MICU1: variants seen among roughly 807,000 people sequenced by gnomAD.
MICU1 encodes the protein calcium uptake protein 1, mitochondrial.
In MICU1, 45 loss-of-function variants were observed where a neutral mutation model predicts 56.8. The ratio of observed to expected loss-of-function variants is 0.79; its 90% confidence interval spans 0.62 to 1.02. MICU1 has a LOEUF of 1.02. Ranked by LOEUF, MICU1 falls within the 50% of genes least tolerant of loss-of-function variation. The pLI is 0.00. For missense variants in MICU1, 504 were observed against 587.1 expected, an observed-to-expected ratio of 0.86 and a Z score of 1.46; for synonymous variants, 186 against 195.1, an observed-to-expected ratio of 0.95 and a Z score of 0.39.
intron 1 of MICU1, among the ~76,000 whole-genome samples, chr10:72,600,309 AG>A (rs895906803): frequency 7.6e-6 from 1 of 131,514 alleles, no homozygotes; most frequent in Non-Finnish European, 1.7e-5. Flanking sequence ...AAAAAAAAAA[AG>A]ATCTACAATA....
chr10:72,523,000 C>G (rs1867867187), intron 5 of MICU1, among the ~76,000 whole-genome samples: 1 of 152,128 alleles, frequency 6.6e-6, no homozygotes, highest in African/African-American at 2.4e-5. Context: ...AGGACACTAC[C>G]TTAAACAGTG....
At chr10:72,410,387 C>T (rs1043500595) in intron 9 of MICU1, among the ~76,000 whole-genome samples, 2 of 152,124 alleles carry the variant, frequency 1.3e-5, no homozygotes, top group African/African-American at 2.4e-5. Context: ...GTGGCCGAGG[C>T]GGGCAGATCA....
intron 1 of MICU1, among the ~76,000 whole-genome samples, chr10:72,600,223 G>C (rs1170552103): frequency 6.6e-6 from 1 of 151,230 alleles, no homozygotes; most frequent in Admixed American, 6.6e-5. Flanking sequence ...ATCCGGGATG[G>C]GGAGGTTGCA....
chr10:72,507,605 G>C (rs1589289732), intron 6 of MICU1, among the ~76,000 whole-genome samples: 1 of 152,134 alleles, frequency 6.6e-6, no homozygotes, highest in Admixed American at 6.6e-5. Context: ...ACAGAATACA[G>C]AGTGACAGAC....
chr10:72,476,475 C>T (rs1025507768), intron 7 of MICU1, among the ~76,000 whole-genome samples: 13 of 152,078 alleles, frequency 8.5e-5, no homozygotes, highest in African/African-American at 2.9e-4. Context: ...GTCCCCCAAC[C>T]GCCTCTGCCT....
At chr10:72,490,895 T>C (rs961452046) in intron 6 of MICU1, among the ~76,000 whole-genome samples, 1 of 152,220 alleles carries the variant, frequency 6.6e-6, no homozygotes, top group Non-Finnish European at 1.5e-5. Context: ...GGACCCGTTT[T>C]TTCCCCTCAA....
intron 5 of MICU1, among the ~76,000 whole-genome samples, chr10:72,528,358 T>C (rs921401167): frequency 6.6e-6 from 1 of 152,122 alleles, no homozygotes; most frequent in African/African-American, 2.4e-5. Flanking sequence ...TATACCCTAC[T>C]TTAAAAATGG....
At chr10:72,612,800 CAA>C (rs1255818293) in intron 1 of MICU1, among the ~76,000 whole-genome samples, 10 of 119,774 alleles carry the variant, frequency 8.3e-5, no homozygotes, top group Non-Finnish European at 1.2e-4. Flanking sequence ...GACCCTGTCT[CAA>C]AAAAAAAAAA....
chr10:72,450,328 T>C (rs980854736), intron 8 of MICU1, among the ~76,000 whole-genome samples: 2 of 151,876 alleles, frequency 1.3e-5, no homozygotes, highest in East Asian at 1.9e-4. Flanking sequence ...GGGAAATCAA[T>C]AGTGGTGCAA....
chr10:72,623,095 C>A (rs1842142188), intron 1 of MICU1, among the ~76,000 whole-genome samples: 1 of 151,610 alleles, frequency 6.6e-6, no homozygotes, highest in African/African-American at 2.4e-5. Context: ...ATAGTAAAAC[C>A]CCATCTTTAC....
chr10:72,458,704 G>GTTTT, intron 8 of MICU1, among the ~76,000 whole-genome samples: 1 of 142,944 alleles, frequency 7.0e-6, no homozygotes, highest in East Asian at 2.1e-4. Context: ...TGCGGTTCCT[G>GTTTT]TTTTTTTTTT....
rs191344960 is a variant in MICU1 at position 72,415,106 on chromosome 10, T to C, written c.1072-7069A>G. Among the ~76,000 whole-genome samples the C allele has an allele frequency of 2.6e-5, 4 of 151,372 alleles. No individual in the cohort carries two copies. In the East Asian group the frequency reaches 7.7e-4, roughly 29 times the overall value. ...TCTTGGCTCACTGCAACCTTCGCCT[T>C]CCAAGTTCAAGCAATTCTCTTGCCT... On this transcript the variant is annotated intron_variant, in intron 9 of 11. Coordinates refer to ENST00000361114, the MANE Select transcript of MICU1 (RefSeq NM_001195518.2).
At chr10:72,468,980 G>A (rs1415121169) in intron 8 of MICU1, among the ~76,000 whole-genome samples, 1 of 152,198 alleles carries the variant, frequency 6.6e-6, no homozygotes, top group Non-Finnish European at 1.5e-5. Flanking sequence ...ACAGTGTGAA[G>A]TAGACCCGAG....
At chr10:72,597,246 C>A (rs1841405999) in intron 1 of MICU1, among the ~76,000 whole-genome samples, 1 of 152,196 alleles carries the variant, frequency 6.6e-6, no homozygotes, top group Non-Finnish European at 1.5e-5. Flanking sequence ...CAATTGCTCA[C>A]ACTATTCTCC....
chr10:72,576,411 G>GGC (rs1840747997), intron 1 of MICU1, among the ~76,000 whole-genome samples: 1 of 152,158 alleles, frequency 6.6e-6, no homozygotes, highest in Admixed American at 6.6e-5. Flanking sequence ...GCTTACTGCT[G>GGC]ATGTGAGGCA....
At chr10:72,601,428 T>C (rs1564957014) in intron 1 of MICU1, among the ~76,000 whole-genome samples, 1 of 91,008 alleles carries the variant, frequency 1.1e-5, no homozygotes, top group South Asian at 3.4e-4. Context: ...ACCCTGTCTT[T>C]AAAAAAAAAA....
Position 72,615,851 on chromosome 10 carries a change from G to A in MICU1, c.-2+10159C>T, listed in dbSNP as rs144293377. 2.8e-3 allele frequency among the ~76,000 whole-genome samples: 426 copies of A among 152,196 alleles called. 1 individual carries two copies. Among genetic ancestry groups the A allele is most frequent in the Admixed American group, 0.025 (386 of 15,276 alleles). On this transcript the variant is annotated intron_variant, in intron 1 of 11. Coordinates refer to ENST00000361114, the MANE Select transcript of MICU1 (RefSeq NM_001195518.2). ...TAAAAATACAAAAAATTAGCCGGGC[G>A]TGCGGCATGCACCTGTAGTCCCAGC...
At chr10:72,570,230 C>T (rs911850904) in intron 1 of MICU1, among the ~76,000 whole-genome samples, 1 of 152,190 alleles carries the variant, frequency 6.6e-6, no homozygotes, top group African/African-American at 2.4e-5. Flanking sequence ...CAGGTGTGAG[C>T]CACCATGCCC....
At chr10:72,584,760 T>C (rs1417332675) in intron 1 of MICU1, among the ~76,000 whole-genome samples, 1 of 152,146 alleles carries the variant, frequency 6.6e-6, no homozygotes, top group African/African-American at 2.4e-5. Flanking sequence ...CAGGGTGGTC[T>C]TGAACTGCTG....
Sources: allele counts gnomAD v4.1 joint callset (sites outside exome capture counted in the v4.1 genomes callset), GRCh38; gene constraint gnomAD v4.1.1; transcripts MANE v1.5; gene names NCBI Gene and HGNC (gene_info 2026-07-23, HGNC 2026-07-21).